The following C19orf67 variants were observed in gnomAD, a reference collection of about 807,000 sequenced individuals.
C19orf67 encodes the protein UPF0575 protein C19orf67.
A neutral mutation model predicts 41.4 loss-of-function variants in C19orf67; 28 were observed. That is an observed-to-expected ratio of 0.68 (90% confidence interval 0.50 to 0.93). The LOEUF (loss-of-function observed/expected upper bound fraction) is 0.93, where lower values mean the gene tolerates loss of function less well. C19orf67 is among the 40% of genes least tolerant of loss of function. C19orf67 has a pLI of 0.00. For synonymous variants in C19orf67, 242 were observed against 203.4 expected (o/e 1.19, Z -1.62); for missense variants, 421 against 467.0 (o/e 0.90, Z 0.91).
chr19:14,082,154 C>G, intron 5 of C19orf67, 146 bp from the exon 6 acceptor site: 1 of 747,194 alleles, frequency 1.3e-6, no homozygotes, highest in East Asian at 2.9e-5. Context: ...AACTTGTTTC[C>G]TTGTTGATCA....
chr19:14,083,655 G>A (rs1385988062), intron 2 of C19orf67, 50 bp from the exon 3 acceptor site: 8 of 1,525,620 alleles, frequency 5.2e-6, no homozygotes, highest in Non-Finnish European at 7.0e-6. Context: ...GCGAGGAGTG[G>A]GCCTCCCCCT....
intron 1 of C19orf67, among the ~76,000 whole-genome samples, chr19:14,084,745 G>C (rs575272675): frequency 3.3e-5 from 5 of 151,924 alleles, no homozygotes; most frequent in African/African-American, 1.2e-4. Context: ...GGCTGAGGCA[G>C]AGAATTGCTT....
In C19orf67 at chr19:14,085,555, C is replaced by G; in HGVS notation, c.73G>C (p.Glu25Gln). ...PGETPPPDAL[E>Q]PGTPPCGDPS... ...TCTCCGCAGGGCGGCGTCCCAGGTTCCAAGGCGTCTGGAGGCGGTGTTTCT... is the reference window on the plus strand; with the variant it reads ...TCTCCGCAGGGCGGCGTCCCAGGTTGCAAGGCGTCTGGAGGCGGTGTTTCT... Residue 25 changes from glutamate (E) to glutamine (Q), a missense_variant, in exon 1 of 6, where the codon GAA becomes CAA. This residue lies in a region of C19orf67 where 160 missense variants were observed against 139.2 expected (regional missense o/e 1.15). Coordinates refer to ENST00000548523, the MANE Select transcript of C19orf67 (RefSeq NM_001277378.2). 6.5e-7 allele frequency: 1 copy of G among 1,535,326 alleles called. No homozygotes were observed. Among genetic ancestry groups the G allele is most frequent in the Non-Finnish European group, 8.7e-7 (1 of 1,146,632 alleles).
Position 14,082,426 on chromosome 19 carries a change from C to G in C19orf67, c.902+43G>C, listed in dbSNP as rs769761501. 2.1e-4 allele frequency: 313 copies of G among 1,497,456 alleles called. 1 individual carries two copies. Among genetic ancestry groups the G allele is most frequent in the Admixed American group, 7.4e-4 (34 of 46,000 alleles). 92.8% of individuals were successfully genotyped at this position (1,497,456 alleles called of 1,614,324 possible). On this transcript the variant is annotated intron_variant, in intron 5 of 5. Coordinates refer to ENST00000548523, the MANE Select transcript of C19orf67 (RefSeq NM_001277378.2). ...TGTCTTTGGTGGGGTTCTGCCTCCC[C>G]CTCCAGCTCCCAGGCCCACGTTGCT...
intron 2 of C19orf67, 21 bp downstream of exon 2, chr19:14,083,712 G>A: frequency 6.8e-7 from 1 of 1,477,668 alleles, no homozygotes; most frequent in Non-Finnish European, 9.0e-7. Flanking sequence ...GGGGCGTGGG[G>A]TCTAAGAAAC....
At chr19:14,082,924 T>C (rs1425431757) in intron 4 of C19orf67, among the ~76,000 whole-genome samples, 2 of 151,942 alleles carry the variant, frequency 1.3e-5, no homozygotes, top group Non-Finnish European at 2.9e-5. Flanking sequence ...CAGCTCACCG[T>C]AGCCTTGATT....
In C19orf67 at chr19:14,081,818, A is replaced by C. The variant is rs758742311; in HGVS notation, c.*16T>G. On this transcript the variant is annotated 3_prime_UTR_variant, in exon 6 of 6. Transcript: ENST00000548523. Reference sequence around the variant, plus strand: ...TTGGAACTGTCAAGTTCCAGCTCCTACCCTCTTCCCCAGGTTCAAGACCCC... The same window carrying C: ...TTGGAACTGTCAAGTTCCAGCTCCTCCCCTCTTCCCCAGGTTCAAGACCCC... 6.7e-7 allele frequency: 1 copy of C among 1,502,932 alleles called. No homozygotes were observed. Among genetic ancestry groups the C allele is most frequent in the South Asian group, 1.2e-5 (1 of 81,908 alleles). 93.1% of individuals were successfully genotyped at this position (1,502,932 alleles called of 1,614,324 possible). A position where few individuals can be genotyped will look rare whatever the true frequency, so the allele number is the denominator to read the frequency against.
At chr19:14,083,647 G>A (rs964033668) in intron 2 of C19orf67, 42 bp from the exon 3 acceptor site, 3 of 1,528,096 alleles carry the variant, frequency 2.0e-6, no homozygotes, top group East Asian at 2.5e-5. Context: ...GCTGGCCTGC[G>A]AGGAGTGGGC....
At chr19:14,084,823 T>C (rs545919685) in intron 1 of C19orf67, among the ~76,000 whole-genome samples, 2 of 152,076 alleles carry the variant, frequency 1.3e-5, no homozygotes, top group East Asian at 1.9e-4. Context: ...GGCGACAGAG[T>C]GAGACTCCAT....
At chr19:14,082,142 GA>G in intron 5 of C19orf67, 134 bp from the exon 6 acceptor site, 1 of 793,770 alleles carries the variant, frequency 1.3e-6, no homozygotes, top group South Asian at 1.9e-5. Flanking sequence ...ACCCCCGGGG[GA>G]AACTTGTTTC....
rs746778110 is a variant in C19orf67, at chr19:14,083,371, G to A, written c.633C>T (p.Val211=). The change falls in exon 4 of 6, where the codon GTC becomes GTT. Residue 211 remains valine, a synonymous_variant. Transcript: ENST00000548523. ...GRFSISLSHE[V]SIFRYCAPTA... is the part of the protein sequence containing the mutation. ...TTGGGGCACAGTATCTGAAGATGGAGACCTCATGGGACAGGCTGATGGAGA... is the reference window on the plus strand; with the variant it reads ...TTGGGGCACAGTATCTGAAGATGGAAACCTCATGGGACAGGCTGATGGAGA... 39 of 1,535,072 alleles carry A rather than the reference G, an allele frequency of 2.5e-5. No individual in the cohort carries two copies. Among genetic ancestry groups the A allele is most frequent in the Non-Finnish European group, 3.2e-5 (37 of 1,146,366 alleles).
chr19:14,081,812 G>A lies in C19orf67; in HGVS notation c.*22C>T. On this transcript the variant is annotated 3_prime_UTR_variant, in exon 6 of 6. Transcript: ENST00000548523. ...TGGAGTTTGGAACTGTCAAGTTCCA[G>A]CTCCTACCCTCTTCCCCAGGTTCAA... The A allele has an allele frequency of 6.7e-7, 1 of 1,491,168 alleles. No individual in the cohort carries two copies. Among genetic ancestry groups the A allele is most frequent in the Non-Finnish European group, 8.9e-7 (1 of 1,123,054 alleles). The allele number at this position is 1,491,168 out of a possible 1,614,324, so 92.4% of individuals were successfully genotyped here.
At chr19:14,082,781 T>G (rs1976788728) in intron 4 of C19orf67, among the ~76,000 whole-genome samples, 178 bp from the exon 5 acceptor site, 1 of 152,130 alleles carries the variant, frequency 6.6e-6, no homozygotes, top group Non-Finnish European at 1.5e-5. Flanking sequence ...AGAACTTTTA[T>G]TTTGGTGGGA....
chr19:14,081,904 G>A lies in C19orf67; in HGVS notation c.1007C>T (p.Thr336Met). Residue 336 changes from threonine (T) to methionine (M), a missense_variant, in exon 6 of 6, where the codon ACG becomes ATG. By Grantham distance (81) the Thr-to-Met change is moderately conservative (BLOSUM62 -1). Around this residue, in one of 3 missense-constraint regions of C19orf67, gnomAD observed 253 missense variants for 307.0 expected, o/e 0.82. Transcript: ENST00000548523. The stretch of plus-strand genomic sequence containing the variant: ...AGGCCGGGCCTGGCCTGCCTGGCCC[G>A]TGAGGATCTGCACCAGCAGGTCGGT... ...LATDLLVQIL[T>M]GQAGQARPPS... 1 of 1,534,360 alleles carries A rather than the reference G, an allele frequency of 6.5e-7. No homozygotes were observed. Among genetic ancestry groups the A allele is most frequent in the East Asian group, 2.5e-5 (1 of 40,804 alleles).
chr19:14,083,541 A>T lies in C19orf67; in HGVS notation c.545T>A (p.Phe182Tyr). The change falls in exon 3 of 6, where the codon TTT (phenylalanine) becomes TAT (tyrosine). Residue 182 changes from phenylalanine (F) to tyrosine (Y), a missense_variant. Physicochemically the swap from Phe to Tyr is conservative, Grantham distance 22. Coordinates refer to ENST00000548523, the MANE Select transcript of C19orf67 (RefSeq NM_001277378.2). ...LEQLVLMYAS[F>Y]GFVDLEEMNP... Reference sequence around the variant, plus strand: ...CATCTCCTCCAGGTCCACGAACCCAAAGGAAGCGTACATGAGGACCAGCTG... The same window carrying T: ...CATCTCCTCCAGGTCCACGAACCCATAGGAAGCGTACATGAGGACCAGCTG... 1 of 1,536,034 alleles carries T rather than the reference A, an allele frequency of 6.5e-7. No homozygotes were observed. Among genetic ancestry groups the T allele is most frequent in the Non-Finnish European group, 8.7e-7 (1 of 1,146,876 alleles).
chr19:14,082,786 G>A (rs1976788785), intron 4 of C19orf67, among the ~76,000 whole-genome samples, 183 bp from the exon 5 acceptor site: 2 of 152,120 alleles, frequency 1.3e-5, no homozygotes, highest in South Asian at 2.1e-4. Flanking sequence ...TTTTATTTTG[G>A]TGGGAGGGTG....
chr19:14,082,360 C>G (rs1976781233), intron 5 of C19orf67, 109 bp downstream of exon 5: 1 of 1,246,664 alleles, frequency 8.0e-7, no homozygotes, highest in Middle Eastern at 2.8e-4. Flanking sequence ...CAATAAAATG[C>G]TATCACTACT....
intron 3 of C19orf67, 25 bp downstream of exon 3, chr19:14,083,480 C>G (rs1395281134): frequency 1.3e-6 from 2 of 1,533,614 alleles, no homozygotes; most frequent in African/African-American, 1.4e-5. Flanking sequence ...CTTCATCCCC[C>G]CATCTGAGTC....
At chr19:14,084,986 T>A (rs1568519145) in intron 1 of C19orf67, among the ~76,000 whole-genome samples, 1 of 152,198 alleles carries the variant, frequency 6.6e-6, no homozygotes, top group African/African-American at 2.4e-5. Flanking sequence ...TTGGCTCAGG[T>A]GGGTCTTGTT....
Sources: gnomAD v4.1 joint callset for allele counts (sites outside exome capture counted in the v4.1 genomes callset) on GRCh38, gnomAD v4.1.1 for gene constraint, gnomAD v4.1.1 regional missense constraint, MANE v1.5 for transcripts, NCBI Gene and HGNC (gene_info 2026-07-23, HGNC 2026-07-21) for gene names.